Variants in AK3 observed in about 807,000 individuals in gnomAD.
AK3 encodes GTP:AMP phosphotransferase AK3, mitochondrial.
Under a neutral mutation model 23.7 loss-of-function variants are expected in AK3, and 27 were observed. The observed-to-expected ratio is 1.14, with a 90% confidence interval of 0.84 to 1.57. AK3 has a LOEUF of 1.57. AK3 is among the 40% of genes most tolerant of loss of function. AK3 has a pLI of 0.00. For synonymous variants in AK3, 159 were observed against 116.0 expected (o/e 1.37, Z -2.38); for missense variants, 406 against 285.6 (o/e 1.42, Z -3.04).
At chr9:4,730,928 G>A (rs426575) in intron 1 of AK3, among the ~76,000 whole-genome samples, 12,669 of 151,862 alleles carry the variant, frequency 0.083, 622 homozygotes, top group African/African-American at 0.13. Flanking sequence ...TATCTTCTCA[G>A]TTATAATTGC....
upstream of AK3, chr9:4,741,305 C>A (rs1396398738): frequency 8.7e-5 from 37 of 426,662 alleles, no homozygotes; most frequent in Non-Finnish European, 1.4e-4. Context: ...CCCGGCGCAC[C>A]CCCCGCCCCC....
intron 1 of AK3, among the ~76,000 whole-genome samples, chr9:4,735,418 CAT>C (rs1842262908): frequency 1.1e-5 from 1 of 90,044 alleles, no homozygotes; most frequent in Non-Finnish European, 2.2e-5. Context: ...AATATATATA[CAT>C]ATATAAATAT....
rs148233791 is a variant in AK3 at position 4,722,554 on chromosome 9, C to T, written c.223G>A (p.Ala75Thr). Reference protein sequence around the residue: ...LIPDDVMTRLALHELKNLTQY... With the variant: ...LIPDDVMTRLTLHELKNLTQY... ...GTGAGATTTTTCAGCTCATGAAGGGCCAGCCGAGTCATGACATCATCTGGG... is the reference window on the plus strand; with the variant it reads ...GTGAGATTTTTCAGCTCATGAAGGGTCAGCCGAGTCATGACATCATCTGGG... Residue 75 changes from alanine to threonine, a missense_variant, in exon 2 of 5, where the codon GCC becomes ACC. By Grantham distance (58) the Ala-to-Thr change is moderately conservative (BLOSUM62 0). Coordinates refer to ENST00000381809, the MANE Select transcript of AK3 (RefSeq NM_016282.4). 8.9e-5 allele frequency: 143 copies of T among 1,614,026 alleles called. No homozygotes were observed. The highest frequency in any genetic ancestry group is 1.1e-4 in the Non-Finnish European group (134 of 1,180,020).
chr9:4,725,724 C>A (rs1308420537), intron 1 of AK3, among the ~76,000 whole-genome samples: 1 of 152,178 alleles, frequency 6.6e-6, no homozygotes, highest in Non-Finnish European at 1.5e-5. Context: ...AGAACTCTTA[C>A]AACTCAATTT....
chr9:4,725,943 T>A (rs548370712), intron 1 of AK3, among the ~76,000 whole-genome samples: 3 of 152,174 alleles, frequency 2.0e-5, no homozygotes, highest in Admixed American at 2.0e-4. Context: ...GTGGGTTTGG[T>A]TCCAGACTAC....
At chr9:4,714,922 GAA>G (rs1215475300) in intron 4 of AK3, among the ~76,000 whole-genome samples, 8 of 152,124 alleles carry the variant, frequency 5.3e-5, no homozygotes, top group Admixed American at 1.3e-4. Context: ...AGCTGAGAAT[GAA>G]AAGACTGAAT....
In AK3 at chr9:4,719,128, T is replaced by C; in HGVS notation, c.444+7A>G. 1 of 1,611,782 alleles carries C rather than the reference T, an allele frequency of 6.2e-7. No individual in the cohort carries two copies. Among genetic ancestry groups the C allele is most frequent in the Non-Finnish European group, 8.5e-7 (1 of 1,179,780 alleles). On this transcript the variant is annotated splice_region_variant and intron_variant, in intron 3 of 4. Coordinates refer to ENST00000381809, the MANE Select transcript of AK3 (RefSeq NM_016282.4). ...TGCTATGTGACAGTTCCACAACAAC[T>C]ACTCACCACAGTTTTGGGAGGGTTG...
rs76440675 is a variant in AK3 at position 4,718,098 on chromosome 9, C to G, written c.563+321G>C. 1.8e-4 allele frequency among the ~76,000 whole-genome samples: 28 copies of G among 152,312 alleles called. 1 individual carries two copies. In the East Asian group the frequency reaches 5.4e-3, roughly 29 times the overall value. On this transcript the variant is annotated intron_variant, in intron 4 of 4. Coordinates refer to ENST00000381809, the MANE Select transcript of AK3 (RefSeq NM_016282.4). The stretch of plus-strand genomic sequence containing the variant: ...CTTCTATTCACTGGAGGAAAGGTTA[C>G]CCCTCAGCCCTTCATAGAAGAGGAA...
chr9:4,729,027 T>TTTTTTTTTTA (rs1842092467), intron 1 of AK3, among the ~76,000 whole-genome samples: 2 of 141,166 alleles, frequency 1.4e-5, no homozygotes, highest in African/African-American at 5.2e-5. Context: ...TTTTTTTTTT[T>TTTTTTTTTTA]GAGACGGAAT....
At position 4,713,783 on chromosome 9, in the gene AK3, A is replaced by T. The variant is rs183984700; in HGVS notation, c.564-687T>A. On this transcript the variant is annotated intron_variant, in intron 4 of 4. Coordinates refer to ENST00000381809, the MANE Select transcript of AK3 (RefSeq NM_016282.4). ...TTTTATTTACTCCAGTTTCCTGTGG[A>T]TAACATGGTGAAGAGTGAGATCAGA... 2.2e-3 allele frequency among the ~76,000 whole-genome samples: 334 copies of T among 152,210 alleles called. 2 individuals carry two copies. Among genetic ancestry groups the T allele is most frequent in the Middle Eastern group, 0.01 (3 of 294 alleles).
At chr9:4,731,925 C>G (rs577361776) in intron 1 of AK3, among the ~76,000 whole-genome samples, 66 of 152,232 alleles carry the variant, frequency 4.3e-4, no homozygotes, top group Non-Finnish European at 8.5e-4. Context: ...TTCCATTTAA[C>G]AAACAGTAAA....
At chr9:4,715,737 A>C (rs1386505509) in intron 4 of AK3, among the ~76,000 whole-genome samples, 1 of 152,084 alleles carries the variant, frequency 6.6e-6, no homozygotes, top group Non-Finnish European at 1.5e-5. Flanking sequence ...GAATCCCAAC[A>C]ACCCCTGGTA....
intron 1 of AK3, among the ~76,000 whole-genome samples, chr9:4,722,947 T>G (rs984596437): frequency 6.6e-6 from 1 of 152,126 alleles, no homozygotes; most frequent in Non-Finnish European, 1.5e-5. Context: ...TCCCAGCTAC[T>G]TGGGGGTAGC....
chr9:4,729,772 G>C (rs567945380), intron 1 of AK3, among the ~76,000 whole-genome samples: 6 of 150,072 alleles, frequency 4.0e-5, no homozygotes, highest in Non-Finnish European at 8.9e-5. Context: ...GGCTGCTGCT[G>C]TTGAGTTATG....
chr9:4,724,210 T>C (rs1292309615), intron 1 of AK3, among the ~76,000 whole-genome samples: 1 of 151,868 alleles, frequency 6.6e-6, no homozygotes, highest in Non-Finnish European at 1.5e-5. Context: ...TACAGGCTTT[T>C]GACTACTGCT....
chr9:4,713,174 A>C, intron 4 of AK3, 78 bp from the exon 5 acceptor site: 1 of 1,546,240 alleles, frequency 6.5e-7, no homozygotes, highest in Non-Finnish European at 8.7e-7. Flanking sequence ...CCTTTCTGTA[A>C]ATAATGATAT....
At chr9:4,736,289 G>C (rs1394320130) in intron 1 of AK3, among the ~76,000 whole-genome samples, 1 of 151,774 alleles carries the variant, frequency 6.6e-6, no homozygotes, top group Non-Finnish European at 1.5e-5. Flanking sequence ...AAGCAGTATT[G>C]TTAAAGGTAT....
At position 4,733,103 on chromosome 9, in the gene AK3, C is replaced by A. The variant is rs140396543; in HGVS notation, c.151+7834G>T. Reference sequence around the variant, plus strand: ...GACTCTACTGATCCTCCTGCCTTAGCCTCCCAAAGTGCTGGGATTACAGGG... The same window carrying A: ...GACTCTACTGATCCTCCTGCCTTAGACTCCCAAAGTGCTGGGATTACAGGG... On this transcript the variant is annotated intron_variant, in intron 1 of 4. Coordinates refer to ENST00000381809, the MANE Select transcript of AK3 (RefSeq NM_016282.4). Among the ~76,000 whole-genome samples the A allele has an allele frequency of 4.6e-4, 70 of 152,140 alleles. No individual in the cohort carries two copies. In the East Asian group the frequency reaches 0.013, roughly 29 times the overall value.
chr9:4,716,764 T>TA (rs987284255), intron 4 of AK3, among the ~76,000 whole-genome samples: 17 of 152,132 alleles, frequency 1.1e-4, no homozygotes, highest in African/African-American at 4.1e-4. Context: ...GCCCCAGCTC[T>TA]AAAAAAAATT....
Sources: allele counts gnomAD v4.1 joint callset (sites outside exome capture counted in the v4.1 genomes callset), GRCh38; gene constraint gnomAD v4.1.1; transcripts MANE v1.5; gene names NCBI Gene and HGNC (gene_info 2026-07-23, HGNC 2026-07-21).